Variants in ANKRD13D observed in about 807,000 individuals in gnomAD.
ANKRD13D encodes ankyrin repeat domain 13D.
Under a neutral mutation model 68.8 loss-of-function variants are expected in ANKRD13D, and 24 were observed. That is an observed-to-expected ratio of 0.35 (90% CI 0.25 to 0.49). ANKRD13D has a LOEUF of 0.49. ANKRD13D is among the 20% of genes least tolerant of loss of function. ANKRD13D has a pLI of 0.99. For missense variants in ANKRD13D, 735 were observed against 832.1 expected (o/e 0.88, Z 1.44); for synonymous variants, 331 against 336.1 (o/e 0.98, Z 0.16).
chr11:67,290,577 C>T, intron 3 of ANKRD13D, 131 bp downstream of exon 3: 3 of 1,360,124 alleles, frequency 2.2e-6, no homozygotes, highest in Non-Finnish European at 3.0e-6. Context: ...GGAGGTCTGT[C>T]TATCTTGACC....
intron 3 of ANKRD13D, 100 bp from the exon 4 acceptor site, chr11:67,291,376 G>C: frequency 2.9e-5 from 15 of 520,354 alleles, no homozygotes; most frequent in Non-Finnish European, 4.3e-5. Flanking sequence ...AAAAAAAAAA[G>C]ACCTGATGAA....
At position 67,300,726 on chromosome 11, in the gene ANKRD13D, T is replaced by G. The variant is rs1860944774; in HGVS notation, c.1074-264T>G. ...CAGGCCCAGAGAGAAGCCCACAGCC[T>G]GGCACCTGGCCTCCTTGTCCAGACC... On this transcript the variant is annotated intron_variant, in intron 10 of 14. Coordinates refer to ENST00000511455, the MANE Select transcript of ANKRD13D (RefSeq NM_207354.3). This position sits in a 1 kb window ranked among gnomAD's most constrained non-coding sequence, Gnocchi z 4.3. The G allele has an allele frequency of 3.6e-6, 2 of 548,352 alleles. No homozygotes were observed. The highest frequency in any genetic ancestry group is 6.9e-5 in the Admixed American group (2 of 28,888). The allele number at this position is 548,352 out of a possible 1,614,324, so 34.0% of individuals were successfully genotyped here. A position where few individuals can be genotyped will look rare whatever the true frequency, so the allele number is the denominator to read the frequency against.
At chr11:67,295,446 T>C (rs1302048011) in intron 6 of ANKRD13D, among the ~76,000 whole-genome samples, 3 of 148,710 alleles carry the variant, frequency 2.0e-5, no homozygotes. Flanking sequence ...TAGAGCAGGC[T>C]GGGCATAGTG....
At chr11:67,294,800 G>A (rs1296197869) in intron 6 of ANKRD13D, among the ~76,000 whole-genome samples, 1 of 152,078 alleles carries the variant, frequency 6.6e-6, no homozygotes, top group Admixed American at 6.5e-5. Context: ...GTGAGCCACC[G>A]TGCCTGGCCA....
rs1860782502 is a variant in ANKRD13D at position 67,297,144 on chromosome 11, G to A, written c.732-1914G>A. Reference sequence around the variant, plus strand: ...GTCTTAACATGGAAGGTTAGGTTAAGGTTATTGATTTGAGATCTTCTTTCT... The same window carrying A: ...GTCTTAACATGGAAGGTTAGGTTAAAGTTATTGATTTGAGATCTTCTTTCT... On this transcript the variant is annotated intron_variant, in intron 6 of 14. Coordinates refer to ENST00000511455, the MANE Select transcript of ANKRD13D (RefSeq NM_207354.3). Among the ~76,000 whole-genome samples the A allele has an allele frequency of 3.9e-5, 6 of 152,120 alleles. No homozygotes were observed. The South Asian group carries it at 1.2e-3, about 32-fold the overall frequency.
rs1360059203 is a variant in ANKRD13D, at chr11:67,301,634, G to A, written c.1495G>A (p.Gly499Ser). ...CATCCAGCAGAGCCTGCTTGAAGCGGGCACTGAGGCGGAGCAGGTGGGACT... is the reference window on the plus strand; with the variant it reads ...CATCCAGCAGAGCCTGCTTGAAGCGAGCACTGAGGCGGAGCAGGTGGGACT... ...FAIQQSLLEA[G>S]TEAEQVTVWE... Residue 499 changes from glycine (G) to serine (S), a missense_variant, in exon 13 of 15, where the codon GGC becomes AGC. By Grantham distance (56) the Gly-to-Ser change is moderately conservative. Transcript: ENST00000511455. The surrounding 1 kb of genome is among the most constrained non-coding windows in gnomAD (Gnocchi z 4.5). The A allele has an allele frequency of 1.9e-6, 3 of 1,612,534 alleles. No homozygotes were observed. In the South Asian group the frequency reaches 3.3e-5, roughly 18 times the overall value.
intron 3 of ANKRD13D, chr11:67,291,225 C>T (rs1273661585): frequency 4.1e-6 from 2 of 489,420 alleles, no homozygotes; most frequent in South Asian, 2.5e-5. Flanking sequence ...GGAGTGGTGG[C>T]ACACACCTGT....
intron 3 of ANKRD13D, chr11:67,290,731 T>C (rs1414617261): frequency 5.0e-6 from 2 of 396,190 alleles, no homozygotes; most frequent in Non-Finnish European, 9.3e-6. Context: ...ACTCGGTGGA[T>C]TATGGCCTGA....
Position 67,299,351 on chromosome 11 carries a change from C to T in ANKRD13D, c.799-179C>T. ...AAAAGAGGAGTGTGTTCCTCTTGAC[C>T]CTGGGGCTGCATCTCCTCGTTGGTG... On this transcript the variant is annotated intron_variant, in intron 7 of 14. Transcript: ENST00000511455. This position sits in a 1 kb window ranked among gnomAD's most constrained non-coding sequence, Gnocchi z 6.2. 1.4e-6 allele frequency: 1 copy of T among 708,294 alleles called. No homozygotes were observed. The highest frequency in any genetic ancestry group is 2.4e-6 in the Non-Finnish European group (1 of 422,258). The allele number at this position is 708,294 out of a possible 1,614,324, so 43.9% of individuals were successfully genotyped here.
Position 67,289,432 on chromosome 11 carries a change from G to A in ANKRD13D, c.-29G>A. The A allele has an allele frequency of 2.1e-6, 3 of 1,414,260 alleles. No individual in the cohort carries two copies. Among genetic ancestry groups the A allele is most frequent in the Non-Finnish European group, 2.8e-6 (3 of 1,089,552 alleles). The allele number at this position is 1,414,260 out of a possible 1,614,324, so 87.6% of individuals were successfully genotyped here. On this transcript the variant is annotated 5_prime_UTR_variant, in exon 1 of 15. Coordinates refer to ENST00000511455, the MANE Select transcript of ANKRD13D (RefSeq NM_207354.3). Reference sequence around the variant, plus strand: ...GCCGTGCCAGGCCCGAAGCCGAGGCGGGGCCGGGATGCGGCGCTGAGGCCC... The same window carrying A: ...GCCGTGCCAGGCCCGAAGCCGAGGCAGGGCCGGGATGCGGCGCTGAGGCCC...
intron 6 of ANKRD13D, among the ~76,000 whole-genome samples, chr11:67,294,309 A>G (rs960127698): frequency 1.3e-5 from 2 of 152,220 alleles, no homozygotes; most frequent in South Asian, 2.1e-4. Flanking sequence ...GTCAATTTCT[A>G]CAGTCAGGTG....
In ANKRD13D at chr11:67,301,617, A is replaced by G. The variant is rs1423258976; in HGVS notation, c.1478A>G (p.Gln493Arg). Residue 493 changes from glutamine to arginine, a missense_variant, in exon 13 of 15, where the codon CAG (glutamine) becomes CGG (arginine). Coordinates refer to ENST00000511455, the MANE Select transcript of ANKRD13D (RefSeq NM_207354.3). The surrounding 1 kb of genome is among the most constrained non-coding windows in gnomAD (Gnocchi z 4.5). Reference protein sequence around the residue: ...DDDLLQFAIQQSLLEAGTEAE... With the variant: ...DDDLLQFAIQRSLLEAGTEAE... ...GACCTCCTGCAGTTCGCCATCCAGCAGAGCCTGCTTGAAGCGGGCACTGAG... is the reference window on the plus strand; with the variant it reads ...GACCTCCTGCAGTTCGCCATCCAGCGGAGCCTGCTTGAAGCGGGCACTGAG... 1.9e-6 allele frequency: 3 copies of G among 1,612,814 alleles called. No homozygotes were observed. The highest frequency in any genetic ancestry group is 2.2e-5 in the East Asian group (1 of 44,888).
chr11:67,291,403 G>A, intron 3 of ANKRD13D, 73 bp from the exon 4 acceptor site: 1 of 1,518,100 alleles, frequency 6.6e-7, no homozygotes, highest in South Asian at 1.1e-5. Context: ...GGCTGGCTGT[G>A]GACAAGGGGC....
Position 67,302,267 on chromosome 11 carries a change from C to A in ANKRD13D, c.1753C>A (p.Arg585=). 1.3e-6 allele frequency: 2 copies of A among 1,569,206 alleles called. No homozygotes were observed. The highest frequency in any genetic ancestry group is 1.7e-6 in the Non-Finnish European group (2 of 1,156,582). ...TTCACGGGAGCAGGAGGAGCGGGAG[C>A]GGCGCGGGCAGCAGGAGGAGGAGGA... ...LSSREQEERE[R]RGQQEEEDLQ... is the part of the protein sequence containing the mutation. The change falls in exon 15 of 15, where the codon CGG becomes AGG. Residue 585 remains arginine (R), a synonymous_variant. Coordinates refer to ENST00000511455, the MANE Select transcript of ANKRD13D (RefSeq NM_207354.3).
chr11:67,293,110 T>TTACTTAGA (rs1860642438), intron 6 of ANKRD13D, among the ~76,000 whole-genome samples: 1 of 152,254 alleles, frequency 6.6e-6, no homozygotes, highest in Non-Finnish European at 1.5e-5. Flanking sequence ...TAAGTATTCA[T>TTACTTAGA]GTGCAAGTTT....
intron 6 of ANKRD13D, among the ~76,000 whole-genome samples, chr11:67,295,127 G>A (rs1860711474): frequency 6.6e-6 from 1 of 152,156 alleles, no homozygotes; most frequent in African/African-American, 2.4e-5. Flanking sequence ...TTGATTAAAG[G>A]TTGTTAGAGG....
At chr11:67,294,813 A>G (rs1001274048) in intron 6 of ANKRD13D, among the ~76,000 whole-genome samples, 4 of 152,118 alleles carry the variant, frequency 2.6e-5, no homozygotes, top group African/African-American at 9.7e-5. Context: ...CCTGGCCACT[A>G]AGGGTTTTAT....
Position 67,300,967 on chromosome 11 carries a change from A to G in ANKRD13D, c.1074-23A>G. On this transcript the variant is annotated intron_variant, in intron 10 of 14. Coordinates refer to ENST00000511455, the MANE Select transcript of ANKRD13D (RefSeq NM_207354.3). This position sits in a 1 kb window ranked among gnomAD's most constrained non-coding sequence, Gnocchi z 4.3. ...AAGGGCCACCAGCCGTGCCTCACCCATGTCCTGTGGTCGGCTGGGCAGGTT... is the reference window on the plus strand; with the variant it reads ...AAGGGCCACCAGCCGTGCCTCACCCGTGTCCTGTGGTCGGCTGGGCAGGTT... The G allele has an allele frequency of 6.2e-7, 1 of 1,612,970 alleles. No homozygotes were observed. Among genetic ancestry groups the G allele is most frequent in the Non-Finnish European group, 8.5e-7 (1 of 1,179,586 alleles).
chr11:67,291,875 G>A (rs1860570902), intron 5 of ANKRD13D, 116 bp from the exon 6 acceptor site: 1 of 1,502,204 alleles, frequency 6.7e-7, no homozygotes. Context: ...GGGCATCCAG[G>A]GGCCAAGACT....
Sources: allele counts gnomAD v4.1 joint callset (sites outside exome capture counted in the v4.1 genomes callset), GRCh38; gene constraint gnomAD v4.1.1; non-coding constraint Gnocchi (gnomAD v3.1); transcripts MANE v1.5; gene names NCBI Gene and HGNC (gene_info 2026-07-23, HGNC 2026-07-21).